The following RUBCNL variants were observed in gnomAD, a reference collection of about 807,000 sequenced individuals.
RUBCNL encodes the protein protein associated with UVRAG as autophagy enhancer.
RUBCNL carries 62 observed loss-of-function variants against 69.5 expected under a neutral mutation model. The observed-to-expected ratio is 0.89, with a 90% CI of 0.73 to 1.10. The LOEUF (loss-of-function observed/expected upper bound fraction) is 1.10, where lower values mean the gene tolerates loss of function less well. RUBCNL is among the 50% of genes least tolerant of loss of function. The pLI, the probability that RUBCNL is intolerant of heterozygous loss-of-function variation, is 0.00. For synonymous variants in RUBCNL, 291 were observed against 303.6 expected, an observed-to-expected ratio of 0.96 and a Z score of 0.43; for missense variants, 768 against 798.1, an observed-to-expected ratio of 0.96 and a Z score of 0.45.
intron 1 of RUBCNL, among the ~76,000 whole-genome samples, chr13:46,380,260 G>A (rs144983905): frequency 3.5e-4 from 54 of 152,274 alleles, no homozygotes; most frequent in Admixed American, 3.0e-3. Flanking sequence ...AGAACTGCAG[G>A]GTTGCCCAAA....
At chr13:46,357,332 CA>C (rs750289413) in intron 9 of RUBCNL, among the ~76,000 whole-genome samples, 9,567 of 53,366 alleles carry the variant, frequency 0.18, 192 homozygotes, top group Non-Finnish European at 0.24. Context: ...GACTCCGTCT[CA>C]AAAAAAAAAA....
chr13:46,387,054 G>T, intron 1 of RUBCNL, 80 bp downstream of exon 1: 1 of 971,204 alleles, frequency 1.0e-6, no homozygotes. Flanking sequence ...AACCTCTCCC[G>T]CGGCCCTCCC....
At chr13:46,361,363 A>T in intron 8 of RUBCNL, 78 bp downstream of exon 8, 1 of 1,499,276 alleles carries the variant, frequency 6.7e-7, no homozygotes, top group Non-Finnish European at 9.1e-7. Flanking sequence ...AGGAAAGACA[A>T]ATGTTTAAAG....
At position 46,341,460 on chromosome 13, in the gene RUBCNL, T is replaced by A. The variant is rs1053610656; in HGVS notation, c.*1925A>T. On this transcript the variant is annotated 3_prime_UTR_variant, in exon 15 of 15. Coordinates refer to ENST00000429979, the MANE Select transcript of RUBCNL (RefSeq NM_025113.5). ...GGAGAGGAACAAAGTCTCAGACAAATCCCATACTGCAGTTATTTAAATGAC... is the reference window on the plus strand; with the variant it reads ...GGAGAGGAACAAAGTCTCAGACAAAACCCATACTGCAGTTATTTAAATGAC... 6.6e-6 allele frequency among the ~76,000 whole-genome samples: 1 copy of A among 152,132 alleles called. No homozygotes were observed. The highest frequency in any genetic ancestry group is 1.5e-5 in the Non-Finnish European group (1 of 68,032).
intron 10 of RUBCNL, among the ~76,000 whole-genome samples, chr13:46,353,591 G>A (rs944195677): frequency 6.6e-6 from 1 of 152,222 alleles, no homozygotes; most frequent in Non-Finnish European, 1.5e-5. Context: ...GCCACTGGGA[G>A]CTGCTTCTGG....
chr13:46,353,558 A>G (rs1281761062), intron 10 of RUBCNL, among the ~76,000 whole-genome samples: 1 of 152,178 alleles, frequency 6.6e-6, no homozygotes, highest in African/African-American at 2.4e-5. Context: ...GGCATTTGCA[A>G]ATGTCTGGCG....
At chr13:46,380,499 T>A (rs1261130458) in intron 1 of RUBCNL, among the ~76,000 whole-genome samples, 2 of 152,222 alleles carry the variant, frequency 1.3e-5, no homozygotes, top group Non-Finnish European at 2.9e-5. Context: ...ATTTCACACA[T>A]TCCGTGTGGG....
At chr13:46,367,532 G>A (rs1023702781) in intron 5 of RUBCNL, among the ~76,000 whole-genome samples, 8 of 152,134 alleles carry the variant, frequency 5.3e-5, no homozygotes, top group African/African-American at 1.4e-4. Flanking sequence ...ACAACTGAAC[G>A]GAGCATGATA....
chr13:46,380,294 T>C (rs183877977), intron 1 of RUBCNL, among the ~76,000 whole-genome samples: 1 of 152,346 alleles, frequency 6.6e-6, no homozygotes, highest in Admixed American at 6.5e-5. Context: ...TAACTCCCTC[T>C]GGTCGCTGCA....
At chr13:46,379,303 T>C (rs1297241656) in intron 1 of RUBCNL, among the ~76,000 whole-genome samples, 1 of 152,122 alleles carries the variant, frequency 6.6e-6, no homozygotes, top group Non-Finnish European at 1.5e-5. Context: ...CTCGAACTCC[T>C]GATCTCAGGT....
Position 46,372,285 on chromosome 13 carries a change from T to C in RUBCNL, c.191A>G (p.Gln64Arg). 6.2e-7 allele frequency: 1 copy of C among 1,614,016 alleles called. No individual in the cohort carries two copies. Residue 64 changes from glutamine to arginine, a missense_variant, in exon 3 of 15, where the codon CAG becomes CGG. Transcript: ENST00000429979. Reference sequence around the variant, plus strand: ...TGCTGGCACCTGAGATTGCAAGTCCTGCGGCTGTTGCTGCACATCCTGGGG... The same window carrying C: ...TGCTGGCACCTGAGATTGCAAGTCCCGCGGCTGTTGCTGCACATCCTGGGG... ...INPQDVQQQP[Q>R]DLQSQVPAAG...
chr13:46,363,655 C>T (rs2048682150), intron 5 of RUBCNL, among the ~76,000 whole-genome samples: 2 of 151,830 alleles, frequency 1.3e-5, no homozygotes, highest in Admixed American at 1.3e-4. Flanking sequence ...GAGTTCAAGT[C>T]CAGCCTGGGC....
chr13:46,338,057 G>A lies in RUBCNL; in HGVS notation c.*5328C>T, dbSNP rs2138651437. Among the ~76,000 whole-genome samples the A allele has an allele frequency of 6.6e-6, 1 of 152,332 alleles. No individual in the cohort carries two copies. The highest frequency in any genetic ancestry group is 2.1e-4 in the South Asian group (1 of 4,826). On this transcript the variant is annotated 3_prime_UTR_variant, in exon 15 of 15. Transcript: ENST00000429979. ...CAGATATCAGAGTGTAAGGAGAAGG[G>A]AGCATGTGTGTGCACGTGCAGTACG...
chr13:46,372,374 G>T lies in RUBCNL; in HGVS notation c.102C>A (p.Asn34Lys). ...CTAATTGGCAAGGAGGATGGTCAGT[G>T]TTCAGGAGTCTGGGCGAACCATCAA... ...GIIDGSPRLL[N>K]TDHPPCQLDI... Residue 34 changes from asparagine to lysine, a missense_variant, in exon 3 of 15, where the codon AAC becomes AAA. Asn to Lys is a moderately conservative substitution (Grantham distance 94). Coordinates refer to ENST00000429979, the MANE Select transcript of RUBCNL (RefSeq NM_025113.5). 1 of 1,613,980 alleles carries T rather than the reference G, an allele frequency of 6.2e-7. No individual in the cohort carries two copies. The highest frequency in any genetic ancestry group is 8.5e-7 in the Non-Finnish European group (1 of 1,179,882).
At chr13:46,360,470 A>C (rs2048585425) in intron 8 of RUBCNL, among the ~76,000 whole-genome samples, 1 of 152,194 alleles carries the variant, frequency 6.6e-6, no homozygotes, top group African/African-American at 2.4e-5. Context: ...AATACTCACA[A>C]ACGGGTATTA....
intron 12 of RUBCNL, among the ~76,000 whole-genome samples, chr13:46,348,009 G>T (rs2048286446): frequency 6.6e-6 from 1 of 151,990 alleles, no homozygotes; most frequent in African/African-American, 2.4e-5. Flanking sequence ...AAAGAAGGAA[G>T]GAAATTCTGA....
chr13:46,357,318 G>GT (rs1181575759), intron 9 of RUBCNL, among the ~76,000 whole-genome samples: 3 of 139,950 alleles, frequency 2.1e-5, no homozygotes, highest in African/African-American at 8.1e-5. Flanking sequence ...GGGCGATAGA[G>GT]TGAGACTCCG....
At position 46,354,156 on chromosome 13, in the gene RUBCNL, G is replaced by C. The variant is rs375484488; in HGVS notation, c.1330+2276C>G. Among the ~76,000 whole-genome samples, 341 of 152,292 alleles carry C rather than the reference G, an allele frequency of 2.2e-3. 4 individuals carry two copies. The highest frequency in any genetic ancestry group is 0.012 in the South Asian group (56 of 4,826). On this transcript the variant is annotated intron_variant, in intron 10 of 14. Transcript: ENST00000429979. ...CTTATTTTTGGGATATACTGAACTA[G>C]TAAAGGGTAAAATGTCATGTTCAGT...
intron 14 of RUBCNL, among the ~76,000 whole-genome samples, chr13:46,343,745 CT>C (rs1465785759): frequency 6.6e-6 from 1 of 152,172 alleles, no homozygotes; most frequent in Non-Finnish European, 1.5e-5. Context: ...GCAGTGCCCC[CT>C]GGATCTGCTC....
Sources: gnomAD v4.1 joint callset for allele counts (sites outside exome capture counted in the v4.1 genomes callset) on GRCh38, gnomAD v4.1.1 for gene constraint, MANE v1.5 for transcripts, NCBI Gene and HGNC (gene_info 2026-07-23, HGNC 2026-07-21) for gene names.